Variants in SOX5 observed in about 807,000 individuals in gnomAD.
SOX5 encodes the protein transcription factor SOX-5.
SOX5 carries 9 observed loss-of-function variants against 92.0 expected under a neutral mutation model. The ratio of observed to expected loss-of-function variants is 0.10; its 90% confidence interval spans 0.06 to 0.17. The LOEUF (loss-of-function observed/expected upper bound fraction) is 0.17. Ranked by LOEUF, SOX5 falls within the 10% of genes least tolerant of loss-of-function variation. The pLI, the probability that SOX5 is intolerant of heterozygous loss-of-function variation, is 1.00. For missense variants in SOX5, 642 were observed against 944.5 expected, an observed-to-expected ratio of 0.68 and a Z score of 4.20; for synonymous variants, 344 against 336.3, an observed-to-expected ratio of 1.02 and a Z score of -0.25.
chr12:24,061,762 A>AAAC (rs1439002767), intron 4 of SOX5, among the ~76,000 whole-genome samples: 3 of 151,922 alleles, frequency 2.0e-5, no homozygotes, highest in African/African-American at 7.3e-5. Flanking sequence ...AAAAAAAAAA[A>AAAC]ACCTTTCTCT....
intron 1 of SOX5, among the ~76,000 whole-genome samples, chr12:24,479,128 A>G (rs534804939): frequency 2.0e-5 from 3 of 152,116 alleles, no homozygotes; most frequent in Non-Finnish European, 4.4e-5. Flanking sequence ...ACATCCACAT[A>G]GTTCTCTCTA....
At chr12:23,698,669 T>A (rs1456488543) in intron 6 of SOX5, among the ~76,000 whole-genome samples, 3 of 152,210 alleles carry the variant, frequency 2.0e-5, no homozygotes, top group African/African-American at 7.2e-5. Context: ...GATTTCTTGC[T>A]TCTTTCTATG....
chr12:24,344,093 A>G (rs906211029), intron 2 of SOX5, among the ~76,000 whole-genome samples: 34 of 151,750 alleles, frequency 2.2e-4, no homozygotes, highest in Non-Finnish European at 1.0e-4. Context: ...GGCCATCCTG[A>G]CCAACATGGT....
intron 1 of SOX5, among the ~76,000 whole-genome samples, chr12:24,454,508 A>T (rs1258716455): frequency 1.3e-5 from 2 of 151,974 alleles, no homozygotes; most frequent in Non-Finnish European, 2.9e-5. Context: ...AAGGCATTTT[A>T]AAAAAATAGC....
rs1956637213 is a variant in SOX5 at position 24,370,589 on chromosome 12, T to C, written c.-250-1950A>G. Among the ~76,000 whole-genome samples the C allele has an allele frequency of 2.7e-5, 4 of 150,730 alleles. No homozygotes were observed. In the South Asian group the frequency reaches 8.4e-4, roughly 31 times the overall value. ...GGTGGATTGCTTGATGCCAGGAGTG[T>C]GAGACCAGCCTGGCCAATATGGCGA... On this transcript the variant is annotated intron_variant, in intron 1 of 4. Coordinates refer to the SOX5 transcript ENST00000446891.
intron 4 of SOX5, among the ~76,000 whole-genome samples, chr12:23,988,252 A>G (rs1950234432): frequency 6.6e-6 from 1 of 152,198 alleles, no homozygotes; most frequent in South Asian, 2.1e-4. Flanking sequence ...GATGCATATC[A>G]GACATTTGGG....
intron 1 of SOX5, among the ~76,000 whole-genome samples, chr12:24,404,559 A>G (rs77120585): frequency 2.3e-3 from 355 of 152,328 alleles, no homozygotes; most frequent in African/African-American, 8.2e-3. Context: ...AGATGGGTCC[A>G]TACTTCTGCT....
intron 8 of SOX5, among the ~76,000 whole-genome samples, chr12:23,610,067 T>A (rs1421233113): frequency 2.6e-5 from 4 of 152,078 alleles, no homozygotes; most frequent in Non-Finnish European, 5.9e-5. Flanking sequence ...GGAAAAAAAA[T>A]AGTATAATTG....
chr12:24,166,308 C>T (rs529070133), intron 4 of SOX5, among the ~76,000 whole-genome samples: 1 of 151,988 alleles, frequency 6.6e-6, no homozygotes, highest in East Asian at 1.9e-4. Context: ...GAGTTGTCTG[C>T]GAGATATCCA....
intron 6 of SOX5, among the ~76,000 whole-genome samples, chr12:23,716,312 T>C (rs1335515324): frequency 6.6e-6 from 1 of 152,224 alleles, no homozygotes; most frequent in Non-Finnish European, 1.5e-5. Flanking sequence ...AACTTTGGCA[T>C]AGTTAATGAT....
intron 3 of SOX5, among the ~76,000 whole-genome samples, chr12:23,830,437 G>T (rs566656397): frequency 1.3e-5 from 2 of 152,264 alleles, no homozygotes; most frequent in Non-Finnish European, 2.9e-5. Flanking sequence ...AGCAGCGGGA[G>T]TGTGAGGAAC....
intron 2 of SOX5, among the ~76,000 whole-genome samples, chr12:24,338,261 C>T (rs1952138920): frequency 6.6e-6 from 1 of 152,022 alleles, no homozygotes. Flanking sequence ...TTATTTCCTA[C>T]ATTTTATAAT....
At chr12:24,473,170 A>G (rs1489960712) in intron 1 of SOX5, among the ~76,000 whole-genome samples, 1 of 152,080 alleles carries the variant, frequency 6.6e-6, no homozygotes, top group East Asian at 1.9e-4. Context: ...AAATATGATC[A>G]GCATAAATTT....
intron 4 of SOX5, among the ~76,000 whole-genome samples, chr12:23,975,430 T>C (rs993102180): frequency 6.6e-6 from 1 of 152,214 alleles, no homozygotes; most frequent in African/African-American, 2.4e-5. Context: ...TATCTAGATA[T>C]AACTTCTTTC....
chr12:24,485,379 T>C (rs1035997567), intron 1 of SOX5, among the ~76,000 whole-genome samples: 1 of 152,166 alleles, frequency 6.6e-6, no homozygotes, highest in Non-Finnish European at 1.5e-5. Flanking sequence ...ATGAGTAGCT[T>C]AGAACTGGCA....
chr12:24,127,016 T>C (rs1342170348), intron 4 of SOX5, among the ~76,000 whole-genome samples: 1 of 152,070 alleles, frequency 6.6e-6, no homozygotes, highest in Non-Finnish European at 1.5e-5. Flanking sequence ...ATATAATTAG[T>C]ACATACTACA....
intron 2 of SOX5, among the ~76,000 whole-genome samples, chr12:24,277,516 A>T (rs12229248): frequency 1.7e-5 from 2 of 119,844 alleles, no homozygotes; most frequent in African/African-American, 5.2e-5. Flanking sequence ...ATATAAATAT[A>T]TATTTATATG....
intron 5 of SOX5, among the ~76,000 whole-genome samples, chr12:23,740,411 TCAC>T (rs1345420898): frequency 6.6e-6 from 1 of 152,188 alleles, no homozygotes; most frequent in African/African-American, 2.4e-5. Flanking sequence ...ATTTAGATTC[TCAC>T]TCTTTTTAAT....
intron 1 of SOX5, among the ~76,000 whole-genome samples, chr12:23,913,741 GA>G (rs765548695): frequency 0.024 from 1,411 of 58,008 alleles, 12 homozygotes; most frequent in African/African-American, 0.034. Flanking sequence ...TGTCTCAGAA[GA>G]AAAAAAAAAA....
Sources: gnomAD v4.1 joint callset for allele counts (sites outside exome capture counted in the v4.1 genomes callset) on GRCh38, gnomAD v4.1.1 for gene constraint, MANE v1.5 for transcripts, NCBI Gene and HGNC (gene_info 2026-07-23, HGNC 2026-07-21) for gene names.